Variants in THSD7B observed in about 807,000 individuals in gnomAD.
THSD7B encodes the protein thrombospondin type-1 domain-containing protein 7B.
THSD7B carries 138 observed loss-of-function variants against 213.6 expected under a neutral mutation model. That is an observed-to-expected ratio of 0.65 (90% CI 0.56 to 0.74). THSD7B has a LOEUF of 0.74. THSD7B is among the 30% of genes least tolerant of loss of function. The pLI, the probability that THSD7B is intolerant of heterozygous loss-of-function variation, is 0.00. For synonymous variants in THSD7B, 742 were observed against 687.0 expected (o/e 1.08, Z -1.25); for missense variants, 1,931 against 1,991.5 (o/e 0.97, Z 0.58).
chr2:137,076,908 T>C (rs1240125337), intron 3 of THSD7B, among the ~76,000 whole-genome samples: 1 of 152,066 alleles, frequency 6.6e-6, no homozygotes, highest in Non-Finnish European at 1.5e-5. Context: ...ATGTGCCATG[T>C]TGGTGTGCTA....
intron 12 of THSD7B, among the ~76,000 whole-genome samples, chr2:137,395,477 A>G (rs944672421): frequency 1.1e-4 from 17 of 150,294 alleles, no homozygotes; most frequent in South Asian, 2.1e-4. Context: ...ATTGATTTGC[A>G]TATATTGAAC....
At chr2:137,314,365 T>C (rs980120853) in intron 12 of THSD7B, among the ~76,000 whole-genome samples, 12 of 152,222 alleles carry the variant, frequency 7.9e-5, no homozygotes, top group Non-Finnish European at 1.8e-4. Context: ...CGTCAGCTCC[T>C]TTAAGCACTT....
At chr2:136,805,665 C>T (rs1682268549) in intron 1 of THSD7B, among the ~76,000 whole-genome samples, 1 of 152,220 alleles carries the variant, frequency 6.6e-6, no homozygotes, top group African/African-American at 2.4e-5. Flanking sequence ...CTCCTTTGCC[C>T]ATTGGCTGCT....
chr2:137,006,467 T>C (rs917811336), intron 2 of THSD7B, among the ~76,000 whole-genome samples: 9 of 152,050 alleles, frequency 5.9e-5, no homozygotes, highest in Middle Eastern at 3.2e-3. Context: ...ATGAAAAGCA[T>C]ATACATTTGG....
At chr2:137,488,863 A>G (rs918003856) in intron 15 of THSD7B, among the ~76,000 whole-genome samples, 2 of 152,208 alleles carry the variant, frequency 1.3e-5, no homozygotes, top group Admixed American at 6.5e-5. Context: ...GAGAGAGTAT[A>G]TGACTTTCCC....
At chr2:137,429,879 C>T (rs1687136599) in intron 14 of THSD7B, among the ~76,000 whole-genome samples, 1 of 152,062 alleles carries the variant, frequency 6.6e-6, no homozygotes, top group African/African-American at 2.4e-5. Context: ...AGTAAAGTTT[C>T]ACCTTGTTTT....
intron 12 of THSD7B, among the ~76,000 whole-genome samples, chr2:137,331,628 GT>G (rs1365521115): frequency 2.6e-5 from 4 of 152,334 alleles, no homozygotes; most frequent in East Asian, 1.9e-4. Context: ...CCCTTGGGTG[GT>G]CGATGGGACT....
intron 1 of THSD7B, among the ~76,000 whole-genome samples, chr2:136,827,770 TGAGAGAGAGA>T (rs56349408): frequency 6.8e-6 from 1 of 146,360 alleles, no homozygotes; most frequent in Non-Finnish European, 1.5e-5. Flanking sequence ...TACACTGAAA[TGAGAGAGAGA>T]GAGAGAGAGA....
At chr2:137,006,898 T>G (rs1268644245) in intron 2 of THSD7B, among the ~76,000 whole-genome samples, 1 of 152,176 alleles carries the variant, frequency 6.6e-6, no homozygotes, top group Non-Finnish European at 1.5e-5. Flanking sequence ...GCACTAATGT[T>G]GGACACTATG....
intron 1 of THSD7B, among the ~76,000 whole-genome samples, chr2:136,847,578 C>A (rs1683031556): frequency 6.6e-6 from 1 of 152,084 alleles, no homozygotes. Flanking sequence ...GAATCTATTT[C>A]TTTTAAGATA....
intron 2 of THSD7B, among the ~76,000 whole-genome samples, chr2:136,959,569 G>A (rs547786821): frequency 9.2e-5 from 14 of 152,198 alleles, no homozygotes; most frequent in African/African-American, 3.1e-4. Flanking sequence ...AAAACATTTG[G>A]TTTGAAATAA....
chr2:137,128,973 C>G (rs562484445), intron 5 of THSD7B, among the ~76,000 whole-genome samples: 1 of 152,190 alleles, frequency 6.6e-6, no homozygotes, highest in Admixed American at 6.5e-5. Flanking sequence ...CTTGCTAACT[C>G]TAATTGATTT....
chr2:137,540,350 A>G (rs1289284709), intron 15 of THSD7B, among the ~76,000 whole-genome samples: 2 of 151,738 alleles, frequency 1.3e-5, no homozygotes, highest in Non-Finnish European at 3.0e-5. Flanking sequence ...AGGGTTTGCC[A>G]CAATCTGGAG....
chr2:137,187,668 A>G (rs544561371), intron 7 of THSD7B, among the ~76,000 whole-genome samples: 1 of 152,258 alleles, frequency 6.6e-6, no homozygotes, highest in East Asian at 1.9e-4. Context: ...AAGCCATGAG[A>G]ATCCTGAGAA....
In THSD7B at chr2:137,657,003, A is replaced by G. The variant is rs1015905460; in HGVS notation, c.4279+34A>G. On this transcript the variant is annotated intron_variant, in intron 23 of 27. Transcript: ENST00000409968. ...AGCACTTTTCAGTTCTTTAGCCTTC[A>G]TTGATCAATGCTTATTCTAAGTGAG... 8 of 1,613,330 alleles carry G rather than the reference A, an allele frequency of 5.0e-6. No individual in the cohort carries two copies. In the East Asian group the frequency reaches 1.8e-4, roughly 36 times the overall value.
intron 2 of THSD7B, among the ~76,000 whole-genome samples, chr2:136,927,048 AT>A (rs965358894): frequency 6.6e-6 from 1 of 152,154 alleles, no homozygotes; most frequent in South Asian, 2.1e-4. Context: ...ATAAAATATG[AT>A]TTTTTTGTAC....
At chr2:137,226,896 T>A (rs958342314) in intron 7 of THSD7B, among the ~76,000 whole-genome samples, 10 of 152,334 alleles carry the variant, frequency 6.6e-5, no homozygotes, top group African/African-American at 2.4e-4. Flanking sequence ...TGGAATATTG[T>A]TCATTCATAA....
In THSD7B at chr2:137,555,364, ACAGCAACATTTGCTGTT is replaced by A. The variant is rs1159887408; in HGVS notation, c.3139-7846_3139-7830del. 2.0e-5 allele frequency among the ~76,000 whole-genome samples: 3 copies of A among 152,304 alleles called. 1 individual carries two copies. The highest frequency in any genetic ancestry group is 1.9e-4 in the East Asian group (1 of 5,164). ...ATGAAACCTCCAGGGGAACGATTAG[ACAGCAACATTTGCTGTT>A]CAGCAACATTCGCTGTTCTGCAGCA... On this transcript the variant is annotated intron_variant, in intron 15 of 27. Coordinates refer to ENST00000409968, the MANE Select transcript of THSD7B (RefSeq NM_001316349.2).
chr2:137,125,864 G>A (rs1688621430), intron 5 of THSD7B, among the ~76,000 whole-genome samples: 2 of 152,106 alleles, frequency 1.3e-5, no homozygotes. Flanking sequence ...TGTGCTATGA[G>A]TCATGAAAAC....
Sources: gnomAD v4.1 joint callset for allele counts (sites outside exome capture counted in the v4.1 genomes callset) on GRCh38, gnomAD v4.1.1 for gene constraint, MANE v1.5 for transcripts, NCBI Gene and HGNC (gene_info 2026-07-23, HGNC 2026-07-21) for gene names.